NPTN: variants seen among roughly 807,000 people sequenced by gnomAD.
NPTN encodes the protein SDR-1.
NPTN carries 5 observed loss-of-function variants against 42.7 expected under a neutral mutation model. The observed-to-expected ratio is 0.12, with a 90% CI of 0.06 to 0.25. The LOEUF (loss-of-function observed/expected upper bound fraction) is 0.25, where lower values mean the gene tolerates loss of function less well. Among genes scored for constraint, NPTN ranks in the 10% least tolerant of loss-of-function variants. NPTN has a pLI of 1.00. For missense variants in NPTN, 307 were observed against 525.4 expected (o/e 0.58, Z 4.06); for synonymous variants, 180 against 201.9 (o/e 0.89, Z 0.92).
intron 4 of NPTN, among the ~76,000 whole-genome samples, chr15:73,585,395 T>C (rs1896268318): frequency 6.6e-6 from 1 of 152,214 alleles, no homozygotes; most frequent in South Asian, 2.1e-4. Context: ...TCTATTAAAA[T>C]GTTTTGGGAA....
intron 6 of NPTN, chr15:73,567,983 T>C (rs1429593474): frequency 3.0e-6 from 3 of 985,460 alleles, no homozygotes; most frequent in Non-Finnish European, 3.6e-6. Context: ...ATTCATTCAC[T>C]GTCTATAATA....
At chr15:73,631,086 A>T (rs1898713519) in intron 1 of NPTN, among the ~76,000 whole-genome samples, 1 of 152,190 alleles carries the variant, frequency 6.6e-6, no homozygotes. Flanking sequence ...ATGAGTCTTT[A>T]TAGGCCTATC....
intron 2 of NPTN, among the ~76,000 whole-genome samples, chr15:73,592,722 G>C (rs2141401058): frequency 6.6e-6 from 1 of 152,262 alleles, no homozygotes; most frequent in Admixed American, 6.5e-5. Context: ...AAATTTTGTG[G>C]AGGCAAAATT....
Position 73,600,184 on chromosome 15 carries a change from C to T in NPTN, c.92-2815G>A, listed in dbSNP as rs1424984273. On this transcript the variant is annotated intron_variant, in intron 1 of 8. Coordinates refer to ENST00000345330, the MANE Select transcript of NPTN (RefSeq NM_012428.4). ...CCTGCTAAGAGTAAGGAATGCTGAT[C>T]TGAGTCAGTTCAATTTTCTACCTGT... Among the ~76,000 whole-genome samples, 5 of 152,314 alleles carry T rather than the reference C, an allele frequency of 3.3e-5. No homozygotes were observed. In the East Asian group the frequency reaches 7.7e-4, roughly 23 times the overall value.
intron 1 of NPTN, among the ~76,000 whole-genome samples, chr15:73,618,923 G>T (rs1566989244): frequency 1.3e-5 from 2 of 151,936 alleles, no homozygotes; most frequent in African/African-American, 4.8e-5. Context: ...GCCGGGTGTG[G>T]TGGTGCACAC....
At position 73,633,342 on chromosome 15, in the gene NPTN, G is replaced by T; in HGVS notation, c.-127C>A. ...GAGCGAGGGAGGCAGCCGCGGCTCG[G>T]CTCCGTCCTTCCCCGTCCTCCTCCT... On this transcript the variant is annotated 5_prime_UTR_variant, in exon 1 of 9. Transcript: ENST00000345330. 1.5e-6 allele frequency: 1 copy of T among 657,672 alleles called. No homozygotes were observed. Among genetic ancestry groups the T allele is most frequent in the Non-Finnish European group, 2.3e-6 (1 of 426,788 alleles). The allele number at this position is 657,672 out of a possible 1,614,324, so 40.7% of individuals were successfully genotyped here. A position where few individuals can be genotyped will look rare whatever the true frequency, so the allele number is the denominator to read the frequency against.
intron 4 of NPTN, 42 bp downstream of exon 4, chr15:73,587,482 G>A: frequency 7.2e-7 from 1 of 1,390,128 alleles, no homozygotes; most frequent in Non-Finnish European, 1.0e-6. Context: ...TGTCTTGGAA[G>A]GAGAGTGAGA....
intron 1 of NPTN, among the ~76,000 whole-genome samples, chr15:73,612,933 T>C (rs1036182664): frequency 6.6e-6 from 1 of 152,158 alleles, no homozygotes; most frequent in Admixed American, 6.5e-5. Context: ...GAGAATAAAT[T>C]ACACTTATGG....
At position 73,597,808 on chromosome 15, in the gene NPTN, T is replaced by A. The variant is rs1002594776; in HGVS notation, c.92-439A>T. 2.6e-5 allele frequency among the ~76,000 whole-genome samples: 4 copies of A among 152,204 alleles called. No homozygotes were observed. The highest frequency in any genetic ancestry group is 9.6e-5 in the African/African-American group (4 of 41,452). Reference sequence around the variant, plus strand: ...AGTAGTTTTATATGCCAAATCAGGATCTCTCTTTTGGATGGGCAAACGCTT... The same window carrying A: ...AGTAGTTTTATATGCCAAATCAGGAACTCTCTTTTGGATGGGCAAACGCTT... On this transcript the variant is annotated intron_variant, in intron 1 of 8. Coordinates refer to ENST00000345330, the MANE Select transcript of NPTN (RefSeq NM_012428.4). This position sits in a 1 kb window ranked among gnomAD's most constrained non-coding sequence, Gnocchi z 6.3.
At chr15:73,561,231 TG>T (rs746323427) in intron 8 of NPTN, among the ~76,000 whole-genome samples, 183 bp from the exon 9 acceptor site, 7 of 152,218 alleles carry the variant, frequency 4.6e-5, no homozygotes, top group Non-Finnish European at 8.8e-5. Flanking sequence ...ATTCTTGTCT[TG>T]CCCCCAGACG....
chr15:73,563,120 C>A (rs1894780708), intron 7 of NPTN, 116 bp downstream of exon 7: 2 of 758,108 alleles, frequency 2.6e-6, no homozygotes, highest in Non-Finnish European at 2.3e-6. Context: ...TACACTGCAA[C>A]CTTCATTTCC....
intron 1 of NPTN, among the ~76,000 whole-genome samples, chr15:73,607,576 C>A (rs1383824289): frequency 6.6e-6 from 1 of 152,144 alleles, no homozygotes; most frequent in Non-Finnish European, 1.5e-5. Context: ...TCAGAAACCA[C>A]AGAGTCAAAA....
chr15:73,575,004 A>G (rs2141367459), intron 4 of NPTN, among the ~76,000 whole-genome samples: 1 of 152,316 alleles, frequency 6.6e-6, no homozygotes, highest in South Asian at 2.1e-4. Flanking sequence ...TTTTTTGGAG[A>G]CAGAGTTTCG....
chr15:73,616,299 G>A (rs934747415), intron 1 of NPTN, among the ~76,000 whole-genome samples: 6 of 151,958 alleles, frequency 3.9e-5, no homozygotes, highest in Non-Finnish European at 4.4e-5. Context: ...TTAAAAACCC[G>A]GCTCCACAGA....
intron 2 of NPTN, among the ~76,000 whole-genome samples, chr15:73,593,256 C>A (rs1430984615): frequency 6.6e-6 from 1 of 152,136 alleles, no homozygotes; most frequent in African/African-American, 2.4e-5. Context: ...GTATTAAAGT[C>A]AAGACATTTC....
chr15:73,623,622 T>C (rs1225950962), intron 1 of NPTN, among the ~76,000 whole-genome samples: 1 of 152,170 alleles, frequency 6.6e-6, no homozygotes, highest in Non-Finnish European at 1.5e-5. Flanking sequence ...GGAAGGTTGA[T>C]GCTGCAGTGA....
intron 5 of NPTN, among the ~76,000 whole-genome samples, chr15:73,573,151 G>A (rs919636561): frequency 6.6e-6 from 1 of 152,126 alleles, no homozygotes; most frequent in African/African-American, 2.4e-5. Flanking sequence ...TGAGGGGGAG[G>A]CTAATTCTTT....
chr15:73,620,154 G>A (rs1898064982), intron 1 of NPTN, among the ~76,000 whole-genome samples: 1 of 152,210 alleles, frequency 6.6e-6, no homozygotes, highest in Non-Finnish European at 1.5e-5. Context: ...CCAACTTTCA[G>A]TGTTTTCAAA....
chr15:73,621,115 C>T (rs1344722182), intron 1 of NPTN, among the ~76,000 whole-genome samples: 2 of 152,056 alleles, frequency 1.3e-5, no homozygotes, highest in Non-Finnish European at 1.5e-5. Context: ...TCTGATTTCA[C>T]TTTCAGTCAC....
Sources: allele counts gnomAD v4.1 joint callset (sites outside exome capture counted in the v4.1 genomes callset), GRCh38; gene constraint gnomAD v4.1.1; non-coding constraint Gnocchi (gnomAD v3.1); transcripts MANE v1.5; gene names NCBI Gene and HGNC (gene_info 2026-07-23, HGNC 2026-07-21).